Variants in KCNIP1 observed in about 807,000 individuals in gnomAD.
The protein encoded by KCNIP1 is potassium voltage-gated channel interacting protein 1.
KCNIP1 carries 18 observed loss-of-function variants against 33.0 expected under a neutral mutation model. That is an observed-to-expected ratio of 0.55 (90% CI 0.38 to 0.81). The LOEUF is 0.81. Ranked by LOEUF, KCNIP1 falls within the 30% of genes least tolerant of loss-of-function variation. The probability of loss-of-function intolerance (pLI) is 0.00; values close to 1 mark genes in which losing one functional copy is unlikely to be tolerated. For synonymous variants in KCNIP1, 93 were observed against 98.3 expected (o/e 0.95, Z 0.32); for missense variants, 238 against 271.6 (o/e 0.88, Z 0.87).
At chr5:170,706,084 G>A (rs538517321) in intron 1 of KCNIP1, among the ~76,000 whole-genome samples, 3 of 152,270 alleles carry the variant, frequency 2.0e-5, no homozygotes, top group South Asian at 4.2e-4. Context: ...AAGACAGGCA[G>A]TTAATACAAG....
chr5:170,490,410 A>T (rs1019234187), intron 1 of KCNIP1, among the ~76,000 whole-genome samples: 2 of 152,232 alleles, frequency 1.3e-5, no homozygotes, highest in Non-Finnish European at 2.9e-5. Context: ...AACAGTTGGT[A>T]TCTTGACTGT....
intron 1 of KCNIP1, among the ~76,000 whole-genome samples, chr5:170,467,134 T>C (rs780549344): frequency 3.9e-5 from 6 of 152,148 alleles, no homozygotes; most frequent in Non-Finnish European, 1.5e-5. Context: ...TGCTGGCGGA[T>C]GGCAAAGATG....
intron 1 of KCNIP1, among the ~76,000 whole-genome samples, chr5:170,682,739 G>A (rs138248498): frequency 1.8e-4 from 26 of 147,660 alleles, no homozygotes; most frequent in African/African-American, 5.8e-4. Context: ...AGCAGCTTCC[G>A]CTAAGATTGC....
chr5:170,564,632 G>A (rs570781047), intron 1 of KCNIP1, among the ~76,000 whole-genome samples: 2 of 152,278 alleles, frequency 1.3e-5, no homozygotes, highest in Admixed American at 1.3e-4. Flanking sequence ...TTCCCAGCCA[G>A]GTGTGTGCAC....
At chr5:170,545,873 CTTCTT>C (rs1581305006) in intron 1 of KCNIP1, among the ~76,000 whole-genome samples, 1 of 152,126 alleles carries the variant, frequency 6.6e-6, no homozygotes, top group Non-Finnish European at 1.5e-5. Flanking sequence ...CTTTGCTTTG[CTTCTT>C]TTCTTTTCTC....
chr5:170,712,676 TC>T (rs994238816), intron 1 of KCNIP1, among the ~76,000 whole-genome samples: 1 of 152,264 alleles, frequency 6.6e-6, no homozygotes, highest in African/African-American at 2.4e-5. Flanking sequence ...TCTTGCCTGT[TC>T]TGACCATGGG....
intron 1 of KCNIP1, among the ~76,000 whole-genome samples, chr5:170,587,421 C>CAAAAAAAAAAAAAAAAAAAAAAAA (rs56358014): frequency 1.3e-4 from 9 of 70,336 alleles, no homozygotes; most frequent in South Asian, 5.9e-4. Context: ...GACTCTGTCT[C>CAAAAAAAAAAAAAAAAAAAAAAAA]AAAAAAAAAA....
At chr5:170,522,160 A>T (rs10036614) in intron 1 of KCNIP1, among the ~76,000 whole-genome samples, 1 of 152,064 alleles carries the variant, frequency 6.6e-6, no homozygotes, top group Non-Finnish European at 1.5e-5. Flanking sequence ...TGGGCATGGA[A>T]CAGGGCAGCT....
upstream of KCNIP1, among the ~76,000 whole-genome samples, chr5:170,503,404 A>G (rs1204733154): frequency 6.6e-6 from 1 of 151,130 alleles, no homozygotes; most frequent in Non-Finnish European, 1.5e-5. Flanking sequence ...AAAAAAAAAA[A>G]AAAAAGAAAA....
chr5:170,507,013 C>T (rs1754746894), intron 1 of KCNIP1, among the ~76,000 whole-genome samples: 1 of 152,228 alleles, frequency 6.6e-6, no homozygotes, highest in Non-Finnish European at 1.5e-5. Flanking sequence ...GGTCACTTTT[C>T]CCCACTGGGG....
intron 1 of KCNIP1, among the ~76,000 whole-genome samples, chr5:170,510,406 G>T (rs1453043460): frequency 6.6e-6 from 1 of 152,182 alleles, no homozygotes; most frequent in Non-Finnish European, 1.5e-5. Context: ...GTTCTTGATG[G>T]CTCTGAGCGG....
intron 7 of KCNIP1, 35 bp downstream of exon 7, chr5:170,733,933 T>C: frequency 6.3e-7 from 1 of 1,586,226 alleles, no homozygotes. Context: ...TAACTCTACA[T>C]CTGGGAAAGG....
intron 1 of KCNIP1, among the ~76,000 whole-genome samples, chr5:170,644,011 G>A (rs1461529054): frequency 2.0e-5 from 3 of 152,236 alleles, no homozygotes; most frequent in Admixed American, 1.3e-4. Context: ...TTCTCCATCT[G>A]TAAACCACCA....
chr5:170,478,878 T>C (rs1756914057), intron 1 of KCNIP1, among the ~76,000 whole-genome samples: 1 of 151,794 alleles, frequency 6.6e-6, no homozygotes, highest in African/African-American at 2.4e-5. Flanking sequence ...GTTTCATGCA[T>C]GACTCTCAAT....
intron 1 of KCNIP1, among the ~76,000 whole-genome samples, chr5:170,673,806 C>T (rs1762016190): frequency 2.0e-5 from 3 of 152,158 alleles, no homozygotes; most frequent in Admixed American, 2.0e-4. Context: ...GTCCAAGTTA[C>T]TCCACACCCT....
intron 1 of KCNIP1, among the ~76,000 whole-genome samples, chr5:170,683,707 C>T (rs1762439046): frequency 6.6e-6 from 1 of 151,744 alleles, no homozygotes; most frequent in South Asian, 2.1e-4. Context: ...TGATCTTATT[C>T]CTATTTTATT....
At chr5:170,513,674 T>G (rs1345362980) in intron 1 of KCNIP1, among the ~76,000 whole-genome samples, 1 of 152,224 alleles carries the variant, frequency 6.6e-6, no homozygotes, top group East Asian at 1.9e-4. Flanking sequence ...CCATGTGGAC[T>G]GCAACTAGAG....
chr5:170,681,465 G>C (rs890627996), intron 1 of KCNIP1: 5 of 245,308 alleles, frequency 2.0e-5, no homozygotes, highest in African/African-American at 1.1e-4. Context: ...TATTAGCTAT[G>C]GGTGAGGCCA....
At chr5:170,715,395 TC>T (rs1763612603) in intron 1 of KCNIP1, among the ~76,000 whole-genome samples, 1 of 152,212 alleles carries the variant, frequency 6.6e-6, no homozygotes, top group African/African-American at 2.4e-5. Context: ...GCATTTTTTT[TC>T]CTGAGAGAGT....
Sources: allele counts gnomAD v4.1 joint callset (sites outside exome capture counted in the v4.1 genomes callset), GRCh38; gene constraint gnomAD v4.1.1; transcripts MANE v1.5; gene names NCBI Gene and HGNC (gene_info 2026-07-23, HGNC 2026-07-21).